The following SLC8A1 variants were observed in gnomAD, a reference collection of about 807,000 sequenced individuals.
SLC8A1 encodes the protein solute carrier family 8 member A1.
In SLC8A1, 18 loss-of-function variants were observed where a neutral mutation model predicts 68.3. That is an observed-to-expected ratio of 0.26 (90% CI 0.18 to 0.39). The LOEUF (loss-of-function observed/expected upper bound fraction) is 0.39, where lower values mean the gene tolerates loss of function less well. Ranked by LOEUF, SLC8A1 falls within the 10% of genes least tolerant of loss-of-function variation. The probability of loss-of-function intolerance (pLI) is 1.00; values close to 1 mark genes in which losing one functional copy is unlikely to be tolerated. For missense variants in SLC8A1, 985 were observed against 1,156.7 expected (o/e 0.85, Z 2.15); for synonymous variants, 475 against 415.5 (o/e 1.14, Z -1.74).
intron 1 of SLC8A1, among the ~76,000 whole-genome samples, chr2:40,431,429 C>T (rs1698266432): frequency 6.6e-6 from 1 of 152,064 alleles, no homozygotes; most frequent in East Asian, 1.9e-4. Context: ...GCCATGGCAA[C>T]AGAGTCAGTG....
intron 2 of SLC8A1, among the ~76,000 whole-genome samples, chr2:40,248,129 T>C (rs916581597): frequency 6.6e-6 from 1 of 152,230 alleles, no homozygotes; most frequent in African/African-American, 2.4e-5. Context: ...TACCAATTTC[T>C]ACACTTTTGA....
At chr2:40,192,056 G>C (rs572451410) in intron 2 of SLC8A1, among the ~76,000 whole-genome samples, 2 of 152,218 alleles carry the variant, frequency 1.3e-5, no homozygotes, top group East Asian at 3.9e-4. Flanking sequence ...CAAATTATAT[G>C]TAACCCACAA....
intron 2 of SLC8A1, among the ~76,000 whole-genome samples, chr2:40,236,950 G>A (rs1331238255): frequency 6.6e-6 from 1 of 152,106 alleles, no homozygotes; most frequent in Admixed American, 6.5e-5. Context: ...CTGGCTTGTA[G>A]GGTTTCTGCC....
intron 1 of SLC8A1, among the ~76,000 whole-genome samples, chr2:40,432,209 T>C (rs66761062): frequency 0.089 from 13,533 of 151,810 alleles, 1,305 homozygotes; most frequent in East Asian, 0.42. Context: ...GCTTAATATG[T>C]ATTTTAGAAA....
chr2:40,359,210 T>C (rs1046461699), intron 2 of SLC8A1, among the ~76,000 whole-genome samples: 1 of 152,178 alleles, frequency 6.6e-6, no homozygotes, highest in African/African-American at 2.4e-5. Flanking sequence ...TTTTGAAGAC[T>C]GTGAAAAAAT....
rs140814043 is a variant in SLC8A1 at position 40,488,707 on chromosome 2, T to C, written c.-25+23642A>G. On this transcript the variant is annotated intron_variant, in intron 1 of 7. Coordinates refer to the SLC8A1 transcript ENST00000402441. Reference sequence around the variant, plus strand: ...AAATCGTCTTGGATTTTAAAGGTTATTTAAATTCACATGAGTTCTTTCTTT... The same window carrying C: ...AAATCGTCTTGGATTTTAAAGGTTACTTAAATTCACATGAGTTCTTTCTTT... Among the ~76,000 whole-genome samples, 658 of 152,296 alleles carry C rather than the reference T, an allele frequency of 4.3e-3. 10 individuals carry two copies. The highest frequency in any genetic ancestry group is 0.017 in the East Asian group (90 of 5,166).
At chr2:40,291,648 C>A (rs1429189606) in intron 2 of SLC8A1, among the ~76,000 whole-genome samples, 7 of 152,036 alleles carry the variant, frequency 4.6e-5, no homozygotes, top group Admixed American at 4.6e-4. Flanking sequence ...ACCTGCCAGT[C>A]CAGAGAAGTA....
At chr2:40,456,557 C>G (rs139552631), upstream of SLC8A1, among the ~76,000 whole-genome samples, 590 of 152,170 alleles carry the variant, frequency 3.9e-3, 3 homozygotes, top group African/African-American at 0.014. Context: ...TTTTTCAGAT[C>G]CAGCTGTGTG....
intron 3 of SLC8A1, chr2:40,176,041 G>A: frequency 2.3e-6 from 1 of 431,842 alleles, no homozygotes. Context: ...GGGGGAGGGG[G>A]ACGTATAATT....
chr2:40,404,493 A>T (rs1231423836), intron 2 of SLC8A1, among the ~76,000 whole-genome samples: 4 of 152,214 alleles, frequency 2.6e-5, no homozygotes, highest in Admixed American at 6.5e-5. Flanking sequence ...CAGCTATCAA[A>T]TATGTAAAAT....
intron 1 of SLC8A1, among the ~76,000 whole-genome samples, chr2:40,459,032 A>G (rs1056432921): frequency 6.6e-6 from 1 of 152,204 alleles, no homozygotes; most frequent in African/African-American, 2.4e-5. Flanking sequence ...GATTTTTTCA[A>G]CAAATATTTA....
At chr2:40,305,709 T>C (rs927923082) in intron 2 of SLC8A1, among the ~76,000 whole-genome samples, 2 of 152,188 alleles carry the variant, frequency 1.3e-5, no homozygotes, top group Admixed American at 6.5e-5. Flanking sequence ...AAGATTAGCA[T>C]CTACTTCACT....
intron 2 of SLC8A1, among the ~76,000 whole-genome samples, chr2:40,180,253 G>T (rs939677633): frequency 6.6e-6 from 1 of 151,942 alleles, no homozygotes; most frequent in East Asian, 1.9e-4. Context: ...AAATTATTCT[G>T]CTGTGACTAA....
intron 2 of SLC8A1, among the ~76,000 whole-genome samples, chr2:40,211,774 A>T (rs1255526891): frequency 2.0e-5 from 3 of 152,084 alleles, no homozygotes; most frequent in African/African-American, 7.2e-5. Flanking sequence ...TAGATGAAAA[A>T]CCCAGGTTCT....
rs916608676 is a variant in SLC8A1, at chr2:40,252,936, T to C, written c.1809-75081A>G. Among the ~76,000 whole-genome samples, 7 of 124,912 alleles carry C rather than the reference T, an allele frequency of 5.6e-5. 1 individual carries two copies. The highest frequency in any genetic ancestry group is 9.6e-5 in the Non-Finnish European group (6 of 62,524). 81.9% of individuals were successfully genotyped at this position (124,912 alleles called of 152,430 possible). A position where few individuals can be genotyped will look rare whatever the true frequency, so the allele number is the denominator to read the frequency against. ...GTGTATATATACATACATGTATATG[T>C]ATGTACATATATACATATGTGTGTA... is the stretch of plus-strand genomic sequence containing the variant. On this transcript the variant is annotated intron_variant, in intron 2 of 7. Coordinates refer to ENST00000406785, the Ensembl canonical transcript of SLC8A1.
chr2:40,132,830 G>C (rs1381415070), intron 7 of SLC8A1, among the ~76,000 whole-genome samples: 1 of 152,102 alleles, frequency 6.6e-6, no homozygotes, highest in Non-Finnish European at 1.5e-5. Context: ...TAAGATAATA[G>C]ATAAAGTATA....
At chr2:40,129,879 T>C (rs889920694) in intron 7 of SLC8A1, among the ~76,000 whole-genome samples, 3 of 152,218 alleles carry the variant, frequency 2.0e-5, no homozygotes, top group African/African-American at 7.2e-5. Context: ...GTGACTTTTA[T>C]GGGACTGAGT....
intron 2 of SLC8A1, among the ~76,000 whole-genome samples, chr2:40,253,163 GTATATACACACAAATATACA>G (rs1455769776): frequency 4.7e-5 from 6 of 128,368 alleles, no homozygotes; most frequent in South Asian, 4.5e-4. Flanking sequence ...ACATATATAT[GTATATACACACAAATATACA>G]TATATACACG....
intron 2 of SLC8A1, among the ~76,000 whole-genome samples, chr2:40,225,877 T>C (rs147212757): frequency 6.6e-6 from 1 of 152,162 alleles, no homozygotes; most frequent in Non-Finnish European, 1.5e-5. Flanking sequence ...AGTATGTTTA[T>C]CACTTGAATG....
Sources: gnomAD v4.1 joint callset for allele counts (sites outside exome capture counted in the v4.1 genomes callset) on GRCh38, gnomAD v4.1.1 for gene constraint, MANE v1.5 for transcripts, NCBI Gene and HGNC (gene_info 2026-07-23, HGNC 2026-07-21) for gene names.